The following FAHD2A variants were observed in gnomAD, a reference collection of about 807,000 sequenced individuals.
The protein encoded by FAHD2A is fumarylacetoacetate hydrolase domain containing 2A.
Under a neutral mutation model 33.4 loss-of-function variants are expected in FAHD2A, and 27 were observed. The observed-to-expected ratio is 0.81, with a 90% confidence interval of 0.60 to 1.11. The LOEUF (loss-of-function observed/expected upper bound fraction) is 1.11. FAHD2A is among the 50% of genes most tolerant of loss of function. FAHD2A has a pLI of 0.00. For synonymous variants in FAHD2A, 130 were observed against 153.3 expected, an observed-to-expected ratio of 0.85 and a Z score of 1.12; for missense variants, 296 against 395.0, an observed-to-expected ratio of 0.75 and a Z score of 2.12.
chr2:95,419,581 G>C (rs1683285823), downstream of FAHD2A, among the ~76,000 whole-genome samples: 1 of 152,052 alleles, frequency 6.6e-6, no homozygotes, highest in Admixed American at 6.5e-5. Flanking sequence ...TGTGGGGGAA[G>C]GGTGCAAGTT....
In FAHD2A at chr2:95,415,314, CCTCA is replaced by C. The variant is rs1392184799; in HGVS notation, c.*2360_*2363del. On this transcript the variant is annotated 3_prime_UTR_variant, in exon 8 of 8. Transcript: ENST00000233379. ...TGCCCCAGACCCACCTTGGCTCTCTCCTCACTAACACCCGAGAAGCCCAGACTTC... is the reference window on the plus strand; with the variant it reads ...TGCCCCAGACCCACCTTGGCTCTCTCCTAACACCCGAGAAGCCCAGACTTC... 33 of 152,180 alleles carry C rather than the reference CCTCA, an allele frequency of 2.2e-4. No homozygotes were observed. Among genetic ancestry groups the C allele is most frequent in the African/African-American group, 8.0e-4 (33 of 41,508 alleles). 9.4% of individuals were successfully genotyped at this position (152,180 alleles called of 1,614,324 possible). A position where few individuals can be genotyped will look rare whatever the true frequency, so the allele number is the denominator to read the frequency against.
intron 1 of FAHD2A, among the ~76,000 whole-genome samples, chr2:95,405,016 T>C (rs568912606): frequency 2.6e-5 from 4 of 152,354 alleles, no homozygotes; most frequent in Admixed American, 2.0e-4. Context: ...TAAAAAATTG[T>C]TTATGGCCAC....
At position 95,406,990 on chromosome 2, in the gene FAHD2A, C is replaced by G; in HGVS notation, c.295C>G (p.Leu99Val). 3 of 1,614,004 alleles carry G rather than the reference C, an allele frequency of 1.9e-6. No individual in the cohort carries two copies. The highest frequency in any genetic ancestry group is 2.5e-6 in the Non-Finnish European group (3 of 1,179,866). ...CCTACCACGGTCGGAGGTAACCTTC[C>G]TGGCTCCAGTCACACGACCAGATAA... ...PVLPRSEVTF[L>V]APVTRPDKVV... The change falls in exon 3 of 8, where the codon CTG becomes GTG. Residue 99 changes from leucine to valine, a missense_variant. By Grantham distance (32) the Leu-to-Val change is conservative (BLOSUM62 1). Coordinates refer to ENST00000233379, the MANE Select transcript of FAHD2A (RefSeq NM_016044.3).
At position 95,415,929 on chromosome 2, in the gene FAHD2A, C is replaced by T. The variant is rs1247813371; in HGVS notation, c.*2972C>T. On this transcript the variant is annotated 3_prime_UTR_variant, in exon 8 of 8. Transcript: ENST00000233379. ...ATCAGTGCCGACCTGTTAAGGCCGT[C>T]GAGAGCATCAAATGCTACTGTTCAG... 1.3e-5 allele frequency: 2 copies of T among 152,198 alleles called. No homozygotes were observed. The highest frequency in any genetic ancestry group is 4.8e-5 in the African/African-American group (2 of 41,452). The allele number at this position is 152,198 out of a possible 1,614,324, so 9.4% of individuals were successfully genotyped here. A position where few individuals can be genotyped will look rare whatever the true frequency, so the allele number is the denominator to read the frequency against.
chr2:95,418,383 T>C (rs1281816358), downstream of FAHD2A, among the ~76,000 whole-genome samples: 3 of 152,018 alleles, frequency 2.0e-5, no homozygotes, highest in East Asian at 5.8e-4. Flanking sequence ...GATATATCTG[T>C]TCCCTACTTA....
chr2:95,414,399 T>A lies in FAHD2A; in HGVS notation c.*1442T>A. 6.3e-6 allele frequency: 4 copies of A among 630,048 alleles called. No homozygotes were observed. The highest frequency in any genetic ancestry group is 1.2e-5 in the Non-Finnish European group (4 of 341,930). The allele number at this position is 630,048 out of a possible 1,614,324, so 39.0% of individuals were successfully genotyped here. On this transcript the variant is annotated 3_prime_UTR_variant, in exon 8 of 8. Transcript: ENST00000233379. ...TGGGAAAACAGAGGATGTGGTGGGA[T>A]GGGGAAGGAAAGGTTGTGGAAGGCC...
Position 95,413,253 on chromosome 2 carries a change from C to G in FAHD2A, c.*296C>G. On this transcript the variant is annotated 3_prime_UTR_variant, in exon 8 of 8. Coordinates refer to ENST00000233379, the MANE Select transcript of FAHD2A (RefSeq NM_016044.3). ...CATATGCCAAAAAGATGCTGCTGGG[C>G]TGGGGAAAAGACAATTCGTGTCGTC... is the stretch of plus-strand genomic sequence containing the variant. 1 of 1,277,992 alleles carries G rather than the reference C, an allele frequency of 7.8e-7. No homozygotes were observed. The highest frequency in any genetic ancestry group is 1.1e-6 in the Non-Finnish European group (1 of 944,908). 79.2% of individuals were successfully genotyped at this position (1,277,992 alleles called of 1,614,324 possible).
chr2:95,407,596 A>G (rs1681806768), intron 3 of FAHD2A: 1 of 171,458 alleles, frequency 5.8e-6, no homozygotes, highest in Non-Finnish European at 1.3e-5. Context: ...AGATTAGTTT[A>G]TTCCTGAGTA....
intron 1 of FAHD2A, chr2:95,405,195 C>T (rs372973343): frequency 3.6e-5 from 7 of 196,006 alleles, no homozygotes; most frequent in Non-Finnish European, 5.2e-5. Flanking sequence ...CTGAATCTTA[C>T]GTCAGTTGTT....
At chr2:95,410,353 A>G (rs532734394) in intron 3 of FAHD2A, among the ~76,000 whole-genome samples, 174 bp from the exon 4 acceptor site, 3 of 152,312 alleles carry the variant, frequency 2.0e-5, no homozygotes, top group Admixed American at 6.5e-5. Context: ...TGGGTCTACA[A>G]GTCACACCTC....
In FAHD2A at chr2:95,414,387, G is replaced by A; in HGVS notation, c.*1430G>A. The A allele has an allele frequency of 3.1e-6, 2 of 643,042 alleles. No individual in the cohort carries two copies. Among genetic ancestry groups the A allele is most frequent in the Non-Finnish European group, 5.7e-6 (2 of 349,212 alleles). 39.8% of individuals were successfully genotyped at this position (643,042 alleles called of 1,614,324 possible). A position where few individuals can be genotyped will look rare whatever the true frequency, so the allele number is the denominator to read the frequency against. On this transcript the variant is annotated 3_prime_UTR_variant, in exon 8 of 8. Coordinates refer to ENST00000233379, the MANE Select transcript of FAHD2A (RefSeq NM_016044.3). ...AAGATGTGGAGCTGGGAAAACAGAG[G>A]ATGTGGTGGGATGGGGAAGGAAAGG...
intron 6 of FAHD2A, 30 bp downstream of exon 6, chr2:95,412,572 C>A: frequency 1.2e-6 from 2 of 1,613,446 alleles, no homozygotes; most frequent in Non-Finnish European, 1.7e-6. Flanking sequence ...CTGCCAGCCC[C>A]GCTTCACCTG....
chr2:95,408,998 C>A (rs551508863), intron 3 of FAHD2A, among the ~76,000 whole-genome samples: 4 of 152,164 alleles, frequency 2.6e-5, no homozygotes, highest in African/African-American at 7.2e-5. Context: ...GTTTCACATT[C>A]TGGGTTTGTC....
At chr2:95,420,432 A>G (rs1461110707), downstream of FAHD2A, among the ~76,000 whole-genome samples, 3 of 151,894 alleles carry the variant, frequency 2.0e-5, no homozygotes, top group Non-Finnish European at 4.4e-5. Context: ...CCCATTTCCC[A>G]CCAATCAAGA....
intron 2 of FAHD2A, among the ~76,000 whole-genome samples, 194 bp downstream of exon 2, chr2:95,405,997 CTG>C (rs1415064135): frequency 2.6e-5 from 4 of 151,786 alleles, no homozygotes; most frequent in Non-Finnish European, 5.9e-5. Flanking sequence ...GAGGAGAAAA[CTG>C]AGAGCTAGGG....
At chr2:95,417,682 G>A (rs574907797), downstream of FAHD2A, among the ~76,000 whole-genome samples, 2 of 152,162 alleles carry the variant, frequency 1.3e-5, no homozygotes, top group African/African-American at 4.8e-5. Flanking sequence ...CCATGGTCAG[G>A]AGCATGATGA....
intron 3 of FAHD2A, 163 bp downstream of exon 3, chr2:95,407,320 G>A (rs1256453589): frequency 1.6e-5 from 16 of 983,300 alleles, no homozygotes; most frequent in Non-Finnish European, 2.2e-5. Context: ...GAAAAAAAAA[G>A]TTAATGTACG....
Position 95,413,692 on chromosome 2 carries a change from G to C in FAHD2A, c.*735G>C. ...TCTGACCCCTTAGGCCTCAGTGTTT[G>C]AGTGCAAATGCTGCCTCAAAGCAGC... On this transcript the variant is annotated 3_prime_UTR_variant, in exon 8 of 8. Transcript: ENST00000233379. 1 of 1,068,512 alleles carries C rather than the reference G, an allele frequency of 9.4e-7. No homozygotes were observed. The allele number at this position is 1,068,512 out of a possible 1,614,324, so 66.2% of individuals were successfully genotyped here.
intron 4 of FAHD2A, 88 bp downstream of exon 4, chr2:95,410,674 C>G (rs1344292765): frequency 6.3e-7 from 1 of 1,578,312 alleles, no homozygotes; most frequent in Non-Finnish European, 8.6e-7. Context: ...CTCACCAACA[C>G]ACGGTGCCAG....
Sources: gnomAD v4.1 joint callset for allele counts (sites outside exome capture counted in the v4.1 genomes callset) on GRCh38, gnomAD v4.1.1 for gene constraint, MANE v1.5 for transcripts, NCBI Gene and HGNC (gene_info 2026-07-23, HGNC 2026-07-21) for gene names.